The following ZNF148 variants were observed in gnomAD, a reference collection of about 807,000 sequenced individuals.
ZNF148 encodes Beta-Enolase Repressor Factor-1.
In ZNF148, 7 loss-of-function variants were observed where a neutral mutation model predicts 67.7. That is an observed-to-expected ratio of 0.10 (90% CI 0.06 to 0.19). The LOEUF (loss-of-function observed/expected upper bound fraction) is 0.19. ZNF148 is among the 10% of genes least tolerant of loss of function. The probability of loss-of-function intolerance (pLI) is 1.00; values close to 1 mark genes in which losing one functional copy is unlikely to be tolerated. For synonymous variants in ZNF148, 333 were observed against 330.7 expected, an observed-to-expected ratio of 1.01 and a Z score of -0.08; for missense variants, 583 against 947.1, an observed-to-expected ratio of 0.62 and a Z score of 5.05.
intron 1 of ZNF148, among the ~76,000 whole-genome samples, chr3:125,354,493 T>G (rs531699767): frequency 8.5e-5 from 13 of 152,374 alleles, no homozygotes; most frequent in African/African-American, 2.9e-4. Context: ...AAATATTTCA[T>G]GTAAATATCC....
rs576765074 is a variant in ZNF148, at chr3:125,307,427, C to T, written c.333+5881G>A. 3.3e-5 allele frequency among the ~76,000 whole-genome samples: 5 copies of T among 152,204 alleles called. No homozygotes were observed. The East Asian group carries it at 5.8e-4, about 18-fold the overall frequency. On this transcript the variant is annotated intron_variant, in intron 4 of 8. Transcript: ENST00000360647. ...CACGCCATTCTCCTGCCTCAGCCTC[C>T]GAGTAGCTGGGACCACAGGCGCTTG...
At chr3:125,359,933 G>A (rs867080476) in intron 1 of ZNF148, among the ~76,000 whole-genome samples, 2 of 152,184 alleles carry the variant, frequency 1.3e-5, no homozygotes, top group South Asian at 2.1e-4. Flanking sequence ...TAAGTGCACC[G>A]CCAGCACAGG....
intron 1 of ZNF148, among the ~76,000 whole-genome samples, chr3:125,343,721 A>T (rs6787226): frequency 0.77 from 117,157 of 151,982 alleles, 45,699 homozygotes; most frequent in African/African-American, 0.85. Context: ...TCGGGTCCCC[A>T]TCCACACTGT....
At chr3:125,265,929 T>A (rs1267925592) in intron 7 of ZNF148, among the ~76,000 whole-genome samples, 2 of 152,158 alleles carry the variant, frequency 1.3e-5, no homozygotes, top group Non-Finnish European at 2.9e-5. Flanking sequence ...ATTATTCTTG[T>A]ATCAGATAAA....
chr3:125,263,078 T>C (rs1937412824), intron 7 of ZNF148, among the ~76,000 whole-genome samples: 1 of 152,248 alleles, frequency 6.6e-6, no homozygotes, highest in South Asian at 2.1e-4. Context: ...CTTTACTCAT[T>C]TTTTTGAAAA....
chr3:125,369,601 G>A (rs532524792), intron 1 of ZNF148, among the ~76,000 whole-genome samples: 4 of 151,800 alleles, frequency 2.6e-5, no homozygotes, highest in South Asian at 2.1e-4. Flanking sequence ...AATGACCACC[G>A]AAATATAAAA....
chr3:125,358,033 C>G (rs1416366101), intron 1 of ZNF148, among the ~76,000 whole-genome samples: 2 of 152,198 alleles, frequency 1.3e-5, no homozygotes, highest in Non-Finnish European at 2.9e-5. Flanking sequence ...ATAAATCGGA[C>G]CGGCGCGGGG....
intron 1 of ZNF148, among the ~76,000 whole-genome samples, chr3:125,346,190 A>C (rs1941934868): frequency 6.6e-6 from 1 of 152,320 alleles, no homozygotes; most frequent in Non-Finnish European, 1.5e-5. Context: ...AATATAATAC[A>C]CCACATCAAT....
intron 7 of ZNF148, among the ~76,000 whole-genome samples, chr3:125,277,396 G>C (rs776565226): frequency 2.0e-5 from 3 of 152,158 alleles, no homozygotes; most frequent in Non-Finnish European, 4.4e-5. Context: ...TCAGGAATTT[G>C]CTTCCTACCC....
intron 7 of ZNF148, among the ~76,000 whole-genome samples, chr3:125,242,875 G>GTC (rs1936430770): frequency 6.6e-6 from 1 of 152,170 alleles, no homozygotes; most frequent in Non-Finnish European, 1.5e-5. Flanking sequence ...CCACTAGTGT[G>GTC]ACTGTTCATA....
intron 3 of ZNF148, among the ~76,000 whole-genome samples, chr3:125,319,516 G>GA (rs936439713): frequency 2.6e-5 from 4 of 152,060 alleles, no homozygotes; most frequent in African/African-American, 7.2e-5. Context: ...TAAAAACTGG[G>GA]AAAAAAATGC....
At chr3:125,337,927 C>G (rs1271385099) in intron 1 of ZNF148, among the ~76,000 whole-genome samples, 1 of 151,946 alleles carries the variant, frequency 6.6e-6, no homozygotes. Context: ...CATAGTGAGA[C>G]CCCAGCTCTA....
intron 1 of ZNF148, among the ~76,000 whole-genome samples, chr3:125,359,929 C>T (rs1359535570): frequency 1.3e-5 from 2 of 152,236 alleles, no homozygotes; most frequent in African/African-American, 4.8e-5. Flanking sequence ...CTGCTAAGTG[C>T]ACCGCCAGCA....
chr3:125,351,657 T>C (rs1256342328), intron 1 of ZNF148, among the ~76,000 whole-genome samples: 1 of 152,198 alleles, frequency 6.6e-6, no homozygotes, highest in East Asian at 1.9e-4. Context: ...ATCATTTACC[T>C]GATAAGTCTA....
At chr3:125,255,524 G>A (rs1196520691) in intron 7 of ZNF148, among the ~76,000 whole-genome samples, 1 of 152,014 alleles carries the variant, frequency 6.6e-6, no homozygotes, top group Non-Finnish European at 1.5e-5. Flanking sequence ...TGGGATTACA[G>A]GCATAAGCCA....
intron 7 of ZNF148, among the ~76,000 whole-genome samples, chr3:125,244,973 A>T (rs1936530921): frequency 6.6e-6 from 1 of 152,100 alleles, no homozygotes; most frequent in South Asian, 2.1e-4. Context: ...GAAATGTTTT[A>T]GTTCTTCAAA....
chr3:125,364,362 C>G (rs1239607727), intron 1 of ZNF148, among the ~76,000 whole-genome samples: 1 of 152,090 alleles, frequency 6.6e-6, no homozygotes, highest in Non-Finnish European at 1.5e-5. Flanking sequence ...TCGCACCACT[C>G]CAGCCTGGGT....
At chr3:125,242,936 G>A (rs538390163) in intron 7 of ZNF148, among the ~76,000 whole-genome samples, 1 of 152,286 alleles carries the variant, frequency 6.6e-6, no homozygotes, top group South Asian at 2.1e-4. Context: ...ATCCTTTATT[G>A]TTGGTAAGGC....
chr3:125,284,808 C>A (rs1249741457), intron 5 of ZNF148, among the ~76,000 whole-genome samples: 9 of 151,504 alleles, frequency 5.9e-5, no homozygotes, highest in Non-Finnish European at 1.5e-5. Context: ...TTCCCTAGCT[C>A]AGTTACCCTC....
Sources: allele counts gnomAD v4.1 joint callset (sites outside exome capture counted in the v4.1 genomes callset), GRCh38; gene constraint gnomAD v4.1.1; transcripts MANE v1.5; gene names NCBI Gene and HGNC (gene_info 2026-07-23, HGNC 2026-07-21).